The following EYA2 variants were observed in gnomAD, a reference collection of about 807,000 sequenced individuals.
EYA2 encodes the protein protein phosphatase EYA2.
Under a neutral mutation model 69.2 loss-of-function variants are expected in EYA2, and 31 were observed. That is an observed-to-expected ratio of 0.45 (90% CI 0.34 to 0.60). EYA2 has a LOEUF of 0.60. EYA2 is among the 20% of genes least tolerant of loss of function. EYA2 has a pLI of 0.02. For synonymous variants in EYA2, 257 were observed against 279.4 expected (o/e 0.92, Z 0.80); for missense variants, 622 against 701.2 (o/e 0.89, Z 1.28).
At chr20:47,036,540 TC>T (rs1454434161) in intron 5 of EYA2, among the ~76,000 whole-genome samples, 4 of 152,122 alleles carry the variant, frequency 2.6e-5, no homozygotes, top group Non-Finnish European at 5.9e-5. Flanking sequence ...AAGTCATGCT[TC>T]TTGATAATAG....
chr20:47,147,114 T>C (rs2033719538), intron 10 of EYA2, among the ~76,000 whole-genome samples: 1 of 146,678 alleles, frequency 6.8e-6, no homozygotes, highest in Non-Finnish European at 1.5e-5. Context: ...GGAGGTACGA[T>C]CTTGTCGCAC....
chr20:47,105,160 A>G (rs1262873751), intron 9 of EYA2, among the ~76,000 whole-genome samples: 1 of 152,214 alleles, frequency 6.6e-6, no homozygotes. Flanking sequence ...AGTTTCAAAA[A>G]TGGAAAGTAG....
chr20:47,061,261 T>G (rs748615736), intron 5 of EYA2, among the ~76,000 whole-genome samples: 2 of 152,168 alleles, frequency 1.3e-5, no homozygotes, highest in African/African-American at 2.4e-5. Flanking sequence ...GCATGCTGGC[T>G]TACGCCTATA....
At chr20:46,978,700 C>A (rs965782416) in intron 1 of EYA2, 4 of 534,010 alleles carry the variant, frequency 7.5e-6, no homozygotes, top group African/African-American at 1.9e-5. Flanking sequence ...TGGAGGGAGG[C>A]CCCGGTGGCC....
intron 7 of EYA2, among the ~76,000 whole-genome samples, chr20:47,082,181 A>G (rs1359053200): frequency 6.6e-6 from 1 of 152,212 alleles, no homozygotes; most frequent in African/African-American, 2.4e-5. Flanking sequence ...ATAAATAATG[A>G]TTAATGAAAA....
In EYA2 at chr20:47,099,274, G is replaced by A. The variant is rs370238848; in HGVS notation, c.888+2106G>A. 1.1e-4 allele frequency among the ~76,000 whole-genome samples: 17 copies of A among 152,354 alleles called. No homozygotes were observed. In the South Asian group the frequency reaches 3.5e-3, roughly 32 times the overall value. On this transcript the variant is annotated intron_variant, in intron 9 of 15. Coordinates refer to ENST00000327619, the MANE Select transcript of EYA2 (RefSeq NM_005244.5). ...CAAGAAGCCGCAGAGGGCAGCCTTGGTGGCTGACACCTATAATCCTAGCAC... is the reference window on the plus strand; with the variant it reads ...CAAGAAGCCGCAGAGGGCAGCCTTGATGGCTGACACCTATAATCCTAGCAC...
intron 5 of EYA2, among the ~76,000 whole-genome samples, chr20:47,024,038 C>T (rs1024537368): frequency 3.9e-5 from 6 of 152,094 alleles, no homozygotes; most frequent in African/African-American, 9.7e-5. Context: ...TTTTAATGTC[C>T]GTGTCTAATT....
intron 5 of EYA2, among the ~76,000 whole-genome samples, chr20:47,065,294 C>T (rs2031068459): frequency 6.6e-6 from 1 of 152,268 alleles, no homozygotes; most frequent in Middle Eastern, 3.4e-3. Flanking sequence ...TTCTCACTGT[C>T]ATGAAGGACA....
chr20:47,000,701 G>A (rs969668055), intron 2 of EYA2, among the ~76,000 whole-genome samples: 2 of 152,052 alleles, frequency 1.3e-5, no homozygotes, highest in Non-Finnish European at 2.9e-5. Flanking sequence ...CCTGCATATC[G>A]CCTCCCATCA....
At chr20:47,120,292 C>T (rs1361278310) in intron 9 of EYA2, among the ~76,000 whole-genome samples, 1 of 152,080 alleles carries the variant, frequency 6.6e-6, no homozygotes, top group Non-Finnish European at 1.5e-5. Context: ...GGGAGGATCG[C>T]TTGAGCCCAG....
At chr20:47,127,738 C>A (rs967731130) in intron 9 of EYA2, among the ~76,000 whole-genome samples, 14 of 152,150 alleles carry the variant, frequency 9.2e-5, no homozygotes, top group African/African-American at 3.1e-4. Context: ...AGCAGACAGT[C>A]CTGGAGGGCT....
intron 2 of EYA2, among the ~76,000 whole-genome samples, chr20:46,995,049 C>T (rs551646274): frequency 1.6e-4 from 25 of 152,150 alleles, no homozygotes; most frequent in African/African-American, 5.8e-4. Context: ...TACAAGTGCC[C>T]ACCACCACAC....
At chr20:46,950,272 G>A (rs535143219) in intron 1 of EYA2, among the ~76,000 whole-genome samples, 3 of 152,144 alleles carry the variant, frequency 2.0e-5, no homozygotes, top group Non-Finnish European at 4.4e-5. Context: ...ATCTGCAGGG[G>A]GACCTTGCAG....
chr20:47,022,422 T>C (rs897649609), intron 5 of EYA2, among the ~76,000 whole-genome samples: 2 of 152,168 alleles, frequency 1.3e-5, no homozygotes, highest in African/African-American at 4.8e-5. Context: ...CAAGCAATTC[T>C]CTAGCCTCAG....
At chr20:46,961,505 C>A (rs200388429) in intron 1 of EYA2, among the ~76,000 whole-genome samples, 115 of 152,248 alleles carry the variant, frequency 7.6e-4, no homozygotes, top group Middle Eastern at 3.4e-3. Context: ...TATGATCCAG[C>A]GATCCCACTA....
intron 1 of EYA2, among the ~76,000 whole-genome samples, chr20:46,925,062 C>G (rs1444832732): frequency 2.6e-5 from 4 of 152,236 alleles, no homozygotes; most frequent in Non-Finnish European, 5.9e-5. Context: ...GGCTTGTAGC[C>G]ATGTCACCCC....
intron 1 of EYA2, among the ~76,000 whole-genome samples, chr20:46,924,839 C>T (rs1304798104): frequency 1.3e-5 from 2 of 152,174 alleles, no homozygotes; most frequent in African/African-American, 2.4e-5. Context: ...ACTGGAAACT[C>T]AGACCAAGGA....
chr20:46,988,032 A>G (rs1339723900), intron 1 of EYA2, among the ~76,000 whole-genome samples: 1 of 141,250 alleles, frequency 7.1e-6, no homozygotes, highest in African/African-American at 2.6e-5. Flanking sequence ...AAAATAATAT[A>G]TGTTTTAAAA....
chr20:47,021,655 C>T (rs932187595), intron 5 of EYA2, among the ~76,000 whole-genome samples: 1 of 138,304 alleles, frequency 7.2e-6, no homozygotes, highest in African/African-American at 2.7e-5. Flanking sequence ...GGCAAGAAAA[C>T]AGTGGGATCC....
Sources: allele counts gnomAD v4.1 joint callset (sites outside exome capture counted in the v4.1 genomes callset), GRCh38; gene constraint gnomAD v4.1.1; transcripts MANE v1.5; gene names NCBI Gene and HGNC (gene_info 2026-07-23, HGNC 2026-07-21).